ATP9A: variants seen among roughly 807,000 people sequenced by gnomAD.
The protein encoded by ATP9A is probable phospholipid-transporting ATPase IIA.
ATP9A carries 52 observed loss-of-function variants against 144.1 expected under a neutral mutation model. The ratio of observed to expected loss-of-function variants is 0.36; its 90% confidence interval spans 0.29 to 0.45. The LOEUF is 0.45. ATP9A is among the 20% of genes least tolerant of loss of function. ATP9A has a pLI of 1.00. For missense variants in ATP9A, 947 were observed against 1,392.7 expected (o/e 0.68, Z 5.09); for synonymous variants, 582 against 557.4 (o/e 1.04, Z -0.62).
At chr20:51,610,060 A>C in intron 24 of ATP9A, 41 bp downstream of exon 24, 1 of 1,515,746 alleles carries the variant, frequency 6.6e-7, no homozygotes, top group Non-Finnish European at 9.1e-7. Context: ...CATTTGAAGA[A>C]GGTTTTGTAA....
At chr20:51,762,663 A>T (rs931838414) in intron 1 of ATP9A, among the ~76,000 whole-genome samples, 4 of 151,078 alleles carry the variant, frequency 2.6e-5, no homozygotes, top group Admixed American at 6.6e-5. Flanking sequence ...CTGTCTAAAA[A>T]CAAACAAACA....
chr20:51,674,699 T>C (rs1196323120), intron 10 of ATP9A, among the ~76,000 whole-genome samples: 1 of 152,230 alleles, frequency 6.6e-6, no homozygotes, highest in Non-Finnish European at 1.5e-5. Context: ...CTTGGCCTTG[T>C]AAAACAACTC....
intron 14 of ATP9A, among the ~76,000 whole-genome samples, chr20:51,640,001 G>A (rs901691389): frequency 2.0e-5 from 3 of 151,996 alleles, no homozygotes; most frequent in Non-Finnish European, 4.4e-5. Context: ...CAGGAGAATC[G>A]CTTGAACCCA....
intron 21 of ATP9A, 54 bp downstream of exon 21, chr20:51,618,608 G>C (rs1433088369): frequency 1.3e-6 from 2 of 1,558,324 alleles, no homozygotes; most frequent in Non-Finnish European, 8.6e-7. Flanking sequence ...TAGGGAAAGG[G>C]AGCCTGGTGC....
rs2077202856 is a variant in ATP9A, at chr20:51,616,351, C to T, written c.2415+1139G>A. On this transcript the variant is annotated intron_variant, in intron 22 of 27. Transcript: ENST00000338821. ...TCTTTTTTTTTGAGATGGAGTTTTG[C>T]TCTTTCACCTAGGCAAGAGTACAGT... 6.4e-5 allele frequency among the ~76,000 whole-genome samples: 5 copies of T among 77,552 alleles called. No individual in the cohort carries two copies. The South Asian group carries it at 1.7e-3, about 27-fold the overall frequency. 50.9% of individuals were successfully genotyped at this position (77,552 alleles called of 152,430 possible).
At chr20:51,762,559 C>A in intron 1 of ATP9A, among the ~76,000 whole-genome samples, 1 of 151,660 alleles carries the variant, frequency 6.6e-6, no homozygotes, top group East Asian at 1.9e-4. Context: ...CGCAGGAGGC[C>A]GATGCATGAG....
intron 15 of ATP9A, among the ~76,000 whole-genome samples, chr20:51,632,214 T>G (rs1341106370): frequency 6.6e-6 from 1 of 152,118 alleles, no homozygotes; most frequent in Non-Finnish European, 1.5e-5. Context: ...TCCCAGTAGC[T>G]GGGACTACAG....
chr20:51,606,898 T>C (rs966025656), intron 26 of ATP9A, among the ~76,000 whole-genome samples: 32 of 151,178 alleles, frequency 2.1e-4, no homozygotes, highest in Non-Finnish European at 2.9e-5. Context: ...TCACTCTGTT[T>C]CTACATATTA....
At chr20:51,721,859 CA>C (rs1359796785) in intron 3 of ATP9A, among the ~76,000 whole-genome samples, 1 of 149,348 alleles carries the variant, frequency 6.7e-6, no homozygotes, top group African/African-American at 2.5e-5. Flanking sequence ...CATATGGAAC[CA>C]AAAAAGAGCC....
chr20:51,694,077 C>T lies in ATP9A; in HGVS notation c.573G>A (p.Gln191=), dbSNP rs1217828100. Residue 191 remains glutamine (Q), a synonymous_variant, in exon 7 of 28, where the codon CAG becomes CAA. Transcript: ENST00000338821. ...KNGSCFLRTD[Q]LDGETDWKLR... The stretch of plus-strand genomic sequence containing the variant: ...GCTTCCAGTCCGTCTCCCCATCCAG[C>T]TGATCCGTCCGCAAGAAGCATGACC... The T allele has an allele frequency of 1.2e-6, 2 of 1,614,166 alleles. No homozygotes were observed. The highest frequency in any genetic ancestry group is 1.7e-5 in the Admixed American group (1 of 60,018).
chr20:51,676,375 C>T (rs1418447073), intron 9 of ATP9A, among the ~76,000 whole-genome samples, 167 bp from the exon 10 acceptor site: 1 of 151,094 alleles, frequency 6.6e-6, no homozygotes, highest in Non-Finnish European at 1.5e-5. Flanking sequence ...AGTGGCACAA[C>T]ATGGGCTAAC....
At chr20:51,622,290 G>A in intron 18 of ATP9A, 118 bp from the exon 19 acceptor site, 2 of 768,606 alleles carry the variant, frequency 2.6e-6, no homozygotes, top group East Asian at 2.6e-5. Flanking sequence ...TTTACCTCCT[G>A]CCGACTCATG....
chr20:51,762,856 C>G (rs1413989014), intron 1 of ATP9A, among the ~76,000 whole-genome samples: 1 of 151,704 alleles, frequency 6.6e-6, no homozygotes, highest in Admixed American at 6.6e-5. Flanking sequence ...ACCACAGGCT[C>G]AAGCCACCAT....
chr20:51,694,621 G>C (rs763465157), intron 6 of ATP9A, among the ~76,000 whole-genome samples: 2 of 152,210 alleles, frequency 1.3e-5, no homozygotes, highest in Non-Finnish European at 2.9e-5. Flanking sequence ...ACCCTGTAGA[G>C]ATGTTGTGAC....
intron 14 of ATP9A, among the ~76,000 whole-genome samples, chr20:51,648,777 A>G (rs1211495569): frequency 6.6e-6 from 1 of 152,166 alleles, no homozygotes; most frequent in Non-Finnish European, 1.5e-5. Context: ...GGCTGCAGTG[A>G]GCCAAGACTG....
intron 9 of ATP9A, among the ~76,000 whole-genome samples, chr20:51,685,651 C>G (rs1003917083): frequency 1.3e-5 from 2 of 152,154 alleles, no homozygotes; most frequent in African/African-American, 4.8e-5. Flanking sequence ...AAATGCAAAT[C>G]AAAACCACAA....
At chr20:51,767,108 G>C (rs2077907881) in intron 1 of ATP9A, among the ~76,000 whole-genome samples, 1 of 147,838 alleles carries the variant, frequency 6.8e-6, no homozygotes, top group African/African-American at 2.5e-5. Context: ...CTGACACCTG[G>C]TGAAGCCACC....
chr20:51,644,562 G>C (rs1004153021), intron 14 of ATP9A, among the ~76,000 whole-genome samples: 1 of 151,864 alleles, frequency 6.6e-6, no homozygotes, highest in African/African-American at 2.4e-5. Context: ...GGGCCATGGC[G>C]CCCGGCCACT....
rs531017235 is a variant in ATP9A at position 51,753,811 on chromosome 20, C to T, written c.68+14491G>A. On this transcript the variant is annotated intron_variant, in intron 1 of 27. Coordinates refer to ENST00000338821, the MANE Select transcript of ATP9A (RefSeq NM_006045.3). ...CCTCCCAAGTAGCTGGGATTACAGGCATGTGCCACCATGCCCAGCTAATTT... is the reference window on the plus strand; with the variant it reads ...CCTCCCAAGTAGCTGGGATTACAGGTATGTGCCACCATGCCCAGCTAATTT... Among the ~76,000 whole-genome samples the T allele has an allele frequency of 2.0e-5, 3 of 151,562 alleles. No homozygotes were observed. In the East Asian group the frequency reaches 5.9e-4, roughly 30 times the overall value.
Sources: gnomAD v4.1 joint callset for allele counts (sites outside exome capture counted in the v4.1 genomes callset) on GRCh38, gnomAD v4.1.1 for gene constraint, MANE v1.5 for transcripts, NCBI Gene and HGNC (gene_info 2026-07-23, HGNC 2026-07-21) for gene names.